Variants in FES observed in about 807,000 individuals in gnomAD.
FES encodes the protein tyrosine-protein kinase Fes/Fps.
FES carries 83 observed loss-of-function variants against 109.6 expected under a neutral mutation model. The observed-to-expected ratio is 0.76, with a 90% confidence interval of 0.63 to 0.91. The LOEUF (loss-of-function observed/expected upper bound fraction) is 0.91. Ranked by LOEUF, FES falls within the 40% of genes least tolerant of loss-of-function variation. FES has a pLI of 0.00. For synonymous variants in FES, 458 were observed against 442.1 expected, an observed-to-expected ratio of 1.04 and a Z score of -0.45; for missense variants, 943 against 1,070.9, an observed-to-expected ratio of 0.88 and a Z score of 1.67.
intron 9 of FES, 49 bp downstream of exon 9, chr15:90,890,327 G>T: frequency 6.3e-7 from 1 of 1,590,094 alleles, no homozygotes. Context: ...CTGCCCACCT[G>T]GGGCTGCGCT....
At chr15:90,886,774 G>T (rs905339172) in intron 3 of FES, among the ~76,000 whole-genome samples, 187 bp from the exon 4 acceptor site, 1 of 152,200 alleles carries the variant, frequency 6.6e-6, no homozygotes, top group Non-Finnish European at 1.5e-5. Context: ...CTACCTCTTT[G>T]CCTCCCCAAG....
intron 18 of FES, 54 bp from the exon 19 acceptor site, chr15:90,895,362 C>G: frequency 6.9e-7 from 1 of 1,441,074 alleles, no homozygotes; most frequent in South Asian, 1.5e-5. Context: ...CAGAGTCTGC[C>G]GAGGACCCTC....
intron 10 of FES, 142 bp downstream of exon 10, chr15:90,890,626 A>G: frequency 1.3e-6 from 1 of 764,080 alleles, no homozygotes; most frequent in South Asian, 1.7e-5. Flanking sequence ...AGATGTCCCC[A>G]GACCCTGCCC....
Position 90,893,179 on chromosome 15 carries a change from A to T in FES, c.1906A>T (p.Met636Leu). The change falls in exon 15 of 19, where the codon ATG (methionine) becomes TTG (leucine). Residue 636 changes from methionine to leucine, a missense_variant. Transcript: ENST00000328850. ...CCAGAAGCAGCCCATCTACATCGTCATGGAGCTTGTGCAGGGTGAGCGCGG... is the reference window on the plus strand; with the variant it reads ...CCAGAAGCAGCCCATCTACATCGTCTTGGAGCTTGTGCAGGGTGAGCGCGG... ...CTQKQPIYIVMELVQGGDFLT... is the reference protein window; with the variant it reads ...CTQKQPIYIVLELVQGGDFLT... The T allele has an allele frequency of 6.2e-7, 1 of 1,613,954 alleles. No individual in the cohort carries two copies. Among genetic ancestry groups the T allele is most frequent in the Non-Finnish European group, 8.5e-7 (1 of 1,179,946 alleles).
At chr15:90,884,974 G>A in intron 1 of FES, 63 bp from the exon 2 acceptor site, 2 of 1,386,110 alleles carry the variant, frequency 1.4e-6, no homozygotes, top group Admixed American at 1.9e-5. Flanking sequence ...CAGTCTCCTC[G>A]TCCCATGCCT....
intron 18 of FES, 83 bp from the exon 19 acceptor site, chr15:90,895,333 T>C (rs1248569180): frequency 4.0e-6 from 5 of 1,256,142 alleles, no homozygotes; most frequent in Non-Finnish European, 4.2e-6. Context: ...AAGCAGCTCC[T>C]ATGGCTCATG....
At chr15:90,885,923 T>C (rs2032565659) in intron 3 of FES, among the ~76,000 whole-genome samples, 2 of 151,726 alleles carry the variant, frequency 1.3e-5, no homozygotes, top group Admixed American at 1.3e-4. Flanking sequence ...GGAATGAGGG[T>C]CAGTCTGTTT....
At chr15:90,887,902 C>T (rs2032813913) in intron 5 of FES, among the ~76,000 whole-genome samples, 1 of 152,092 alleles carries the variant, frequency 6.6e-6, no homozygotes, top group Non-Finnish European at 1.5e-5. Context: ...TTACACAGGC[C>T]TTGAGGTAGG....
In FES at chr15:90,891,139, T is replaced by C. The variant is rs2033177066; in HGVS notation, c.1478T>C (p.Leu493Pro). The C allele has an allele frequency of 6.3e-7, 1 of 1,575,042 alleles. No homozygotes were observed. Among genetic ancestry groups the C allele is most frequent in the Admixed American group, 1.9e-5 (1 of 53,872 alleles). Residue 493 changes from leucine to proline, a missense_variant, in exon 11 of 19, where the codon CTG becomes CCG. By Grantham distance (98) the Leu-to-Pro change is moderately conservative. Transcript: ENST00000328850. The part of the protein sequence containing the change: ...RESQGKQEYV[L>P]SVLWDGLPRH... The stretch of plus-strand genomic sequence containing the variant: ...AGCCAGGGCAAGCAGGAGTACGTGC[T>C]GTCGGTGCTGTGGGATGGTCTGCCC...
intron 11 of FES, 66 bp from the exon 12 acceptor site, chr15:90,891,488 T>TC: frequency 6.2e-7 from 1 of 1,606,962 alleles, no homozygotes; most frequent in Non-Finnish European, 8.5e-7. Flanking sequence ...GCTCTCCCTT[T>TC]CCCCCTCCCA....
Position 90,892,918 on chromosome 15 carries a change from T to C in FES, c.1826+93T>C, listed in dbSNP as rs961820583. ...GAAGTGCTTGACCACCGTGGTGGTG[T>C]TTAGTCCTCGAGGCCCCCCATTGCG... is the stretch of plus-strand genomic sequence containing the variant. On this transcript the variant is annotated intron_variant, in intron 14 of 18. Transcript: ENST00000328850. 3 of 1,418,710 alleles carry C rather than the reference T, an allele frequency of 2.1e-6. No homozygotes were observed. The South Asian group carries it at 3.5e-5, about 16-fold the overall frequency. The allele number at this position is 1,418,710 out of a possible 1,614,324, so 87.9% of individuals were successfully genotyped here. A position where few individuals can be genotyped will look rare whatever the true frequency, so the allele number is the denominator to read the frequency against.
chr15:90,892,936 C>A, intron 14 of FES, 111 bp downstream of exon 14: 1 of 1,347,368 alleles, frequency 7.4e-7, no homozygotes. Context: ...TCGAGGCCCC[C>A]CATTGCGGGT....
intron 10 of FES, 88 bp from the exon 11 acceptor site, chr15:90,890,894 A>G: frequency 1.5e-6 from 2 of 1,299,544 alleles, no homozygotes. Flanking sequence ...CTGAGGGCAT[A>G]TAGGGGGGAG....
chr15:90,885,001 C>T (rs1442669212), intron 1 of FES, 36 bp from the exon 2 acceptor site: 7 of 1,533,444 alleles, frequency 4.6e-6, no homozygotes, highest in Non-Finnish European at 8.8e-7. Flanking sequence ...CCAGCTGCTG[C>T]CTTGCCTCCA....
At position 90,889,930 on chromosome 15, in the gene FES, G is replaced by C; in HGVS notation, c.1017G>C (p.Arg339=). The change falls in exon 8 of 19, where the codon CGG becomes CGC. Residue 339 remains arginine (R), a synonymous_variant. Coordinates refer to ENST00000328850, the MANE Select transcript of FES (RefSeq NM_002005.4). This position sits in a 1 kb window ranked among gnomAD's most constrained non-coding sequence, Gnocchi z 6.1. ...EMVTQLQQEL[R]NEEENTHPRE... ...TTACGCAGCTGCAACAGGAGCTCCG[G>C]AATGAAGAGGAGAACACCCACCCCC... The C allele has an allele frequency of 6.2e-7, 1 of 1,613,442 alleles. No homozygotes were observed. Among genetic ancestry groups the C allele is most frequent in the Non-Finnish European group, 8.5e-7 (1 of 1,179,914 alleles).
intron 3 of FES, among the ~76,000 whole-genome samples, chr15:90,886,051 C>T (rs755528909): frequency 1.8e-4 from 27 of 152,342 alleles, no homozygotes; most frequent in Non-Finnish European, 3.8e-4. Flanking sequence ...TCCCACCCAG[C>T]TCCTCAGTCT....
At chr15:90,884,648 A>AGGGGCCGCGGAAGGGCGGGG (rs2032365477) in intron 1 of FES, 104 bp downstream of exon 1, 1 of 168,096 alleles carries the variant, frequency 5.9e-6, no homozygotes, top group African/African-American at 2.4e-5. Flanking sequence ...AGGTGGGGGT[A>AGGGGCCGCGGAAGGGCGGGG]GGGGCCGCGG....
chr15:90,892,552 A>T, intron 13 of FES, 155 bp from the exon 14 acceptor site: 1 of 641,018 alleles, frequency 1.6e-6, no homozygotes, highest in Non-Finnish European at 2.7e-6. Flanking sequence ...TGTGCTCTCT[A>T]GGTTCCCCAG....
chr15:90,889,283 T>G lies in FES; in HGVS notation c.669-23T>G, dbSNP rs779943355. On this transcript the variant is annotated intron_variant, in intron 5 of 18. Coordinates refer to ENST00000328850, the MANE Select transcript of FES (RefSeq NM_002005.4). The surrounding 1 kb of genome is among the most constrained non-coding windows in gnomAD (Gnocchi z 6.1). ...TTGCCCAGCCTGAGGCTCCCCTGAC[T>G]GGGGATCCCGTCTCGGGGGCAGGAA... is the stretch of plus-strand genomic sequence containing the variant. The G allele has an allele frequency of 1.9e-6, 3 of 1,611,546 alleles. No homozygotes were observed. Among genetic ancestry groups the G allele is most frequent in the South Asian group, 2.2e-5 (2 of 91,018 alleles).
Sources: gnomAD v4.1 joint callset for allele counts (sites outside exome capture counted in the v4.1 genomes callset) on GRCh38, gnomAD v4.1.1 for gene constraint, Gnocchi (gnomAD v3.1) non-coding constraint, MANE v1.5 for transcripts, NCBI Gene and HGNC (gene_info 2026-07-23, HGNC 2026-07-21) for gene names.